The following NDUFAF2 variants were observed in gnomAD, a reference collection of about 807,000 sequenced individuals.
The protein encoded by NDUFAF2 is NADH dehydrogenase [ubiquinone] 1 alpha subcomplex assembly factor 2.
Under a neutral mutation model 22.8 loss-of-function variants are expected in NDUFAF2, and 13 were observed. The observed-to-expected ratio is 0.57, with a 90% CI of 0.37 to 0.91. The LOEUF (loss-of-function observed/expected upper bound fraction) is 0.91. NDUFAF2 is among the 40% of genes least tolerant of loss of function. The probability of loss-of-function intolerance (pLI) is 0.01; values close to 1 mark genes in which losing one functional copy is unlikely to be tolerated. For synonymous variants in NDUFAF2, 53 were observed against 64.2 expected (o/e 0.83, Z 0.84); for missense variants, 162 against 195.2 (o/e 0.83, Z 1.01).
intron 3 of NDUFAF2, among the ~76,000 whole-genome samples, chr5:61,114,121 C>A (rs1336230084): frequency 6.6e-6 from 1 of 151,948 alleles, no homozygotes; most frequent in Admixed American, 6.6e-5. Flanking sequence ...AACTTTCTTC[C>A]CCTATCTTTC....
chr5:61,133,364 A>G (rs1265042261), intron 3 of NDUFAF2, among the ~76,000 whole-genome samples: 1 of 152,222 alleles, frequency 6.6e-6, no homozygotes, highest in Non-Finnish European at 1.5e-5. Context: ...GAGTGGTGAT[A>G]TATTTTAAGC....
rs574641704 is a variant in NDUFAF2 at position 61,068,543 on chromosome 5, G to C, written c.128-4582G>C. 4.6e-5 allele frequency among the ~76,000 whole-genome samples: 7 copies of C among 152,130 alleles called. No homozygotes were observed. The East Asian group carries it at 9.6e-4, about 21-fold the overall frequency. On this transcript the variant is annotated intron_variant, in intron 1 of 3. Coordinates refer to ENST00000296597, the MANE Select transcript of NDUFAF2 (RefSeq NM_174889.5). ...GTGTTTGTGTATTTATAATCTATTAGTTACAATAGTCTGAAAGGGAACAAT... is the reference window on the plus strand; with the variant it reads ...GTGTTTGTGTATTTATAATCTATTACTTACAATAGTCTGAAAGGGAACAAT...
chr5:61,133,167 A>T (rs545385730), intron 3 of NDUFAF2, among the ~76,000 whole-genome samples: 2 of 152,258 alleles, frequency 1.3e-5, no homozygotes, highest in Admixed American at 6.5e-5. Flanking sequence ...GTAACCCATC[A>T]TATTTGTATT....
intron 3 of NDUFAF2, among the ~76,000 whole-genome samples, chr5:61,106,469 A>C (rs1752764567): frequency 6.6e-6 from 1 of 151,450 alleles, no homozygotes; most frequent in Non-Finnish European, 1.5e-5. Context: ...TGATACGTGC[A>C]TACAATGCGT....
At chr5:61,130,517 A>G (rs776148851) in intron 3 of NDUFAF2, among the ~76,000 whole-genome samples, 2 of 152,204 alleles carry the variant, frequency 1.3e-5, no homozygotes, top group Non-Finnish European at 2.9e-5. Flanking sequence ...CACTTGCCAT[A>G]TTGCAGTGTT....
intron 1 of NDUFAF2, among the ~76,000 whole-genome samples, chr5:61,038,125 A>C (rs987733240): frequency 1.3e-5 from 2 of 151,080 alleles, no homozygotes; most frequent in Non-Finnish European, 3.0e-5. Context: ...AGGGAGAGAG[A>C]GAAAGTCAGC....
At chr5:61,102,918 A>C (rs1446846857) in intron 3 of NDUFAF2, among the ~76,000 whole-genome samples, 5 of 152,094 alleles carry the variant, frequency 3.3e-5, no homozygotes, top group African/African-American at 1.2e-4. Flanking sequence ...AGATACCACT[A>C]CACACCCATT....
At chr5:61,113,246 T>C (rs1752868004) in intron 3 of NDUFAF2, among the ~76,000 whole-genome samples, 1 of 152,232 alleles carries the variant, frequency 6.6e-6, no homozygotes, top group South Asian at 2.1e-4. Flanking sequence ...CTATTACTAG[T>C]GAGTTTGTTA....
At chr5:60,949,139 A>G (rs1750507022) in intron 1 of NDUFAF2, among the ~76,000 whole-genome samples, 1 of 152,198 alleles carries the variant, frequency 6.6e-6, no homozygotes. Context: ...TGTAACCAAC[A>G]CCAAAATCAG....
intron 1 of NDUFAF2, among the ~76,000 whole-genome samples, chr5:60,999,498 A>G (rs1751269783): frequency 6.6e-6 from 1 of 152,110 alleles, no homozygotes; most frequent in South Asian, 2.1e-4. Flanking sequence ...GATTCCATTT[A>G]TATGAAATAT....
At chr5:61,052,185 A>T (rs1470593695) in intron 1 of NDUFAF2, among the ~76,000 whole-genome samples, 1 of 148,330 alleles carries the variant, frequency 6.7e-6, no homozygotes, top group Non-Finnish European at 1.5e-5. Context: ...TGGTCGCACA[A>T]CTCATACTGC....
chr5:61,099,204 A>G (rs1752678007), intron 3 of NDUFAF2, among the ~76,000 whole-genome samples, 172 bp downstream of exon 3: 1 of 150,620 alleles, frequency 6.6e-6, no homozygotes, highest in African/African-American at 2.4e-5. Context: ...TTAATAAAAT[A>G]ATATATGATA....
chr5:60,951,390 C>T (rs1467367331), intron 1 of NDUFAF2, among the ~76,000 whole-genome samples: 3 of 152,238 alleles, frequency 2.0e-5, no homozygotes, highest in East Asian at 3.9e-4. Context: ...ACTGTTTATT[C>T]GTTTGCATAT....
At chr5:61,045,427 C>T (rs898018546) in intron 1 of NDUFAF2, among the ~76,000 whole-genome samples, 1 of 150,402 alleles carries the variant, frequency 6.6e-6, no homozygotes, top group African/African-American at 2.4e-5. Context: ...AAATTTATTC[C>T]TAAGTATTTT....
At chr5:61,015,716 A>G (rs1016562649) in intron 1 of NDUFAF2, among the ~76,000 whole-genome samples, 1 of 152,194 alleles carries the variant, frequency 6.6e-6, no homozygotes, top group African/African-American at 2.4e-5. Context: ...CAGAATAGCA[A>G]TCAGTACTGT....
intron 2 of NDUFAF2, among the ~76,000 whole-genome samples, chr5:61,084,866 G>A (rs1197196492): frequency 1.3e-5 from 2 of 152,122 alleles, no homozygotes; most frequent in African/African-American, 4.8e-5. Context: ...CACACAAAAA[G>A]CAGAAGTTGT....
At chr5:60,990,480 A>G (rs977060406) in intron 1 of NDUFAF2, among the ~76,000 whole-genome samples, 1 of 152,206 alleles carries the variant, frequency 6.6e-6, no homozygotes, top group Admixed American at 6.5e-5. Context: ...TATTAAATGT[A>G]GAAGTAGAAT....
intron 1 of NDUFAF2, among the ~76,000 whole-genome samples, chr5:60,977,350 GC>G (rs1750915978): frequency 6.6e-6 from 1 of 151,896 alleles, no homozygotes; most frequent in South Asian, 2.1e-4. Context: ...GATTGTTTGA[GC>G]CCAGGAGTTC....
intron 1 of NDUFAF2, among the ~76,000 whole-genome samples, chr5:61,048,807 A>C (rs1751987353): frequency 6.6e-6 from 1 of 152,174 alleles, no homozygotes; most frequent in African/African-American, 2.4e-5. Flanking sequence ...GCAGTCAGGC[A>C]GTGGAAAATA....
Sources: gnomAD v4.1 joint callset for allele counts (sites outside exome capture counted in the v4.1 genomes callset) on GRCh38, gnomAD v4.1.1 for gene constraint, MANE v1.5 for transcripts, NCBI Gene and HGNC (gene_info 2026-07-23, HGNC 2026-07-21) for gene names.